SUFU: variants seen among roughly 807,000 people sequenced by gnomAD.
SUFU encodes the protein suppressor of fused homolog.
SUFU carries 7 observed loss-of-function variants against 58.9 expected under a neutral mutation model. That is an observed-to-expected ratio of 0.12 (90% CI 0.07 to 0.22). SUFU has a LOEUF of 0.22. Among genes scored for constraint, SUFU ranks in the 10% least tolerant of loss-of-function variants. The pLI is 1.00. For synonymous variants in SUFU, 232 were observed against 254.8 expected (o/e 0.91, Z 0.85); for missense variants, 451 against 641.3 (o/e 0.70, Z 3.20).
intron 2 of SUFU, among the ~76,000 whole-genome samples, chr10:102,540,219 C>T (rs7096072): frequency 0.3 from 45,808 of 152,034 alleles, 7,216 homozygotes; most frequent in Admixed American, 0.36. Context: ...TAGGTATTAT[C>T]ATTGCTCTTG....
intron 2 of SUFU, among the ~76,000 whole-genome samples, chr10:102,548,214 G>T (rs2062874431): frequency 6.6e-6 from 1 of 152,184 alleles, no homozygotes; most frequent in Admixed American, 6.5e-5. Context: ...TACATACATA[G>T]AGTTTGATCA....
At position 102,617,942 on chromosome 10, in the gene SUFU, T is replaced by C; in HGVS notation, c.1296+514T>C. The C allele has an allele frequency of 4.9e-6, 1 of 203,172 alleles. No homozygotes were observed. Among genetic ancestry groups the C allele is most frequent in the Non-Finnish European group, 9.9e-6 (1 of 100,538 alleles). The allele number at this position is 203,172 out of a possible 1,614,324, so 12.6% of individuals were successfully genotyped here. A position where few individuals can be genotyped will look rare whatever the true frequency, so the allele number is the denominator to read the frequency against. On this transcript the variant is annotated intron_variant, in intron 10 of 11. Transcript: ENST00000369902. The surrounding 1 kb of genome is among the most constrained non-coding windows in gnomAD (Gnocchi z 4.4). ...CATCTGACAGCCCTCCCGTTCCTCC[T>C]GAGTTTGTGTGACCAGAGACCTGCT... is the stretch of plus-strand genomic sequence containing the variant.
chr10:102,527,949 C>T (rs1564666349), intron 2 of SUFU, among the ~76,000 whole-genome samples: 2 of 152,194 alleles, frequency 1.3e-5, no homozygotes, highest in Non-Finnish European at 2.9e-5. Context: ...CCAAATCAGA[C>T]TGTGATCTTG....
At chr10:102,592,545 G>A in intron 3 of SUFU, 37 bp from the exon 4 acceptor site, 3 of 1,612,986 alleles carry the variant, frequency 1.9e-6, no homozygotes, top group African/African-American at 2.7e-5. Flanking sequence ...TGGATCTGGG[G>A]CCTTGAACAA....
intron 3 of SUFU, chr10:102,591,398 G>A (rs2063399422): frequency 6.6e-6 from 1 of 152,200 alleles, no homozygotes; most frequent in South Asian, 2.1e-4. Flanking sequence ...TACTCAGGAG[G>A]CTGAGGCAGG....
intron 2 of SUFU, among the ~76,000 whole-genome samples, chr10:102,527,667 T>C (rs942656182): frequency 1.3e-5 from 2 of 152,178 alleles, no homozygotes; most frequent in Admixed American, 6.5e-5. Flanking sequence ...GTGGGAATAT[T>C]ATTACCATTT....
intron 2 of SUFU, among the ~76,000 whole-genome samples, chr10:102,545,363 G>A (rs1322396727): frequency 3.5e-5 from 5 of 143,930 alleles, no homozygotes; most frequent in Admixed American, 7.3e-5. Context: ...CAAACTCCTC[G>A]GCTCAAGTGG....
chr10:102,581,732 A>G (rs2063282501), intron 3 of SUFU, among the ~76,000 whole-genome samples: 1 of 152,164 alleles, frequency 6.6e-6, no homozygotes, highest in South Asian at 2.1e-4. Context: ...TACTGGGGAC[A>G]TGTCTGGCAC....
At chr10:102,568,810 G>A (rs1229893585) in intron 3 of SUFU, among the ~76,000 whole-genome samples, 1 of 145,360 alleles carries the variant, frequency 6.9e-6, no homozygotes, top group Admixed American at 7.0e-5. Flanking sequence ...GGAGGCGGAG[G>A]TTGCAGTGAG....
chr10:102,509,033 T>C lies in SUFU; in HGVS notation c.183-136T>C, dbSNP rs546363685. The C allele has an allele frequency of 4.9e-5, 58 of 1,181,990 alleles. No homozygotes were observed. The South Asian group carries it at 6.9e-4, about 14-fold the overall frequency. The allele number at this position is 1,181,990 out of a possible 1,614,324, so 73.2% of individuals were successfully genotyped here. A position where few individuals can be genotyped will look rare whatever the true frequency, so the allele number is the denominator to read the frequency against. On this transcript the variant is annotated intron_variant, in intron 1 of 11. Coordinates refer to ENST00000369902, the MANE Select transcript of SUFU (RefSeq NM_016169.4). ...ATCCCTTAGTCTCATTCTGGAGAGATGTGGCCTCTGTTTAGTTACCTTTCA... is the reference window on the plus strand; with the variant it reads ...ATCCCTTAGTCTCATTCTGGAGAGACGTGGCCTCTGTTTAGTTACCTTTCA...
Position 102,592,702 on chromosome 10 carries a change from T to C in SUFU, c.575T>C (p.Phe192Ser). 6.2e-7 allele frequency: 1 copy of C among 1,614,082 alleles called. No homozygotes were observed. The highest frequency in any genetic ancestry group is 8.5e-7 in the Non-Finnish European group (1 of 1,180,020). Residue 192 changes from phenylalanine to serine, a missense_variant, in exon 4 of 12, where the codon TTT becomes TCT. Transcript: ENST00000369902. ...CAGATGCAGCCCGTGCAGACACCCT[T>C]TGGGGTAGTTACCTTCCTCCAGGTG... ...DPQMQPVQTP[F>S]GVVTFLQIVG...
chr10:102,586,280 CTT>C (rs1451345419), intron 3 of SUFU, among the ~76,000 whole-genome samples: 1 of 152,168 alleles, frequency 6.6e-6, no homozygotes, highest in Non-Finnish European at 1.5e-5. Flanking sequence ...TGTAAGAACT[CTT>C]TATATATTCT....
In SUFU at chr10:102,630,122, G is replaced by T. The variant is rs1281286184; in HGVS notation, c.1422G>T (p.Leu474=). 1.2e-6 allele frequency: 2 copies of T among 1,614,070 alleles called. No homozygotes were observed. Among genetic ancestry groups the T allele is most frequent in the Non-Finnish European group, 1.7e-6 (2 of 1,180,044 alleles). ...WPEKKLKVSI[L]PDVVFDSPLH is the part of the protein sequence containing the mutation. ...AAAAGAAGCTGAAGGTCTCCATCCTGCCTGACGTGGTGTTCGACAGTCCGC... is the reference window on the plus strand; with the variant it reads ...AAAAGAAGCTGAAGGTCTCCATCCTTCCTGACGTGGTGTTCGACAGTCCGC... The change falls in exon 12 of 12, where the codon CTG becomes CTT. Residue 474 remains leucine, a synonymous_variant. Coordinates refer to ENST00000369902, the MANE Select transcript of SUFU (RefSeq NM_016169.4).
rs376476759 is a variant in SUFU at position 102,614,641 on chromosome 10, C to T, written c.1023-627C>T. Among the ~76,000 whole-genome samples, 38 of 151,122 alleles carry T rather than the reference C, an allele frequency of 2.5e-4. 1 individual carries two copies. In the East Asian group the frequency reaches 5.9e-3, roughly 24 times the overall value. The stretch of plus-strand genomic sequence containing the variant: ...CTATAATCCCAGCACTTTGGGAGGC[C>T]AGGACGGGCAGATCACCTGAGGTCA... On this transcript the variant is annotated intron_variant, in intron 8 of 11. Coordinates refer to ENST00000369902, the MANE Select transcript of SUFU (RefSeq NM_016169.4).
chr10:102,578,206 C>T (rs1340862223), intron 3 of SUFU, among the ~76,000 whole-genome samples: 3 of 149,080 alleles, frequency 2.0e-5, no homozygotes, highest in Admixed American at 6.7e-5. Context: ...TACTCGGGAT[C>T]GCGCCACTGC....
At chr10:102,553,364 GT>G (rs1230755468) in intron 3 of SUFU, among the ~76,000 whole-genome samples, 2 of 152,140 alleles carry the variant, frequency 1.3e-5, no homozygotes, top group African/African-American at 2.4e-5. Context: ...AATATGTGAG[GT>G]TAGGGACTGT....
chr10:102,577,630 C>T (rs904337349), intron 3 of SUFU, among the ~76,000 whole-genome samples: 2 of 150,160 alleles, frequency 1.3e-5, no homozygotes, highest in African/African-American at 4.9e-5. Flanking sequence ...TGAGCCACTG[C>T]ACCCAGCCCT....
rs368920108 is a variant in SUFU, at chr10:102,619,066, C to T, written c.1296+1638C>T. 27 of 1,612,568 alleles carry T rather than the reference C, an allele frequency of 1.7e-5. No homozygotes were observed. In the African/African-American group the frequency reaches 3.1e-4, roughly 18 times the overall value. ...ACCCAGTTATGTTTGACATCCTCAG[C>T]TCTGAACCTATCCTCGGAGCTCTGC... On this transcript the variant is annotated intron_variant, in intron 10 of 11. Coordinates refer to ENST00000369902, the MANE Select transcript of SUFU (RefSeq NM_016169.4). This position sits in a 1 kb window ranked among gnomAD's most constrained non-coding sequence, Gnocchi z 4.2.
In SUFU at chr10:102,632,748, C is replaced by CA. The variant is rs1034119588; in HGVS notation, c.*2593_*2594insA. On this transcript the variant is annotated 3_prime_UTR_variant, in exon 12 of 12. Coordinates refer to ENST00000369902, the MANE Select transcript of SUFU (RefSeq NM_016169.4). ...TTGGAGACTTGCCTAGTTGTACCCA[C>CA]CCCTCCAGGTCCCTGGTGCTAGAGC... is the stretch of plus-strand genomic sequence containing the variant. 1.4e-4 allele frequency: 32 copies of CA among 233,308 alleles called. No individual in the cohort carries two copies. Among genetic ancestry groups the CA allele is most frequent in the Non-Finnish European group, 2.4e-4 (28 of 118,154 alleles). The allele number at this position is 233,308 out of a possible 1,614,324, so 14.5% of individuals were successfully genotyped here.
Sources: allele counts gnomAD v4.1 joint callset (sites outside exome capture counted in the v4.1 genomes callset), GRCh38; gene constraint gnomAD v4.1.1; non-coding constraint Gnocchi (gnomAD v3.1); transcripts MANE v1.5; gene names NCBI Gene and HGNC (gene_info 2026-07-23, HGNC 2026-07-21).